RBFOX1: variants seen among roughly 807,000 people sequenced by gnomAD.
The protein encoded by RBFOX1 is RNA binding protein fox-1 homolog 1.
In RBFOX1, 8 loss-of-function variants were observed where a neutral mutation model predicts 57.7. The observed-to-expected ratio is 0.14, with a 90% CI of 0.08 to 0.25. The LOEUF is 0.25. Ranked by LOEUF, RBFOX1 falls within the 10% of genes least tolerant of loss-of-function variation. RBFOX1 has a pLI of 1.00. For synonymous variants in RBFOX1, 326 were observed against 222.4 expected (o/e 1.47, Z -4.15); for missense variants, 611 against 548.5 (o/e 1.11, Z -1.14).
intron 3 of RBFOX1, among the ~76,000 whole-genome samples, chr16:6,657,718 A>T (rs978163433): frequency 6.6e-6 from 1 of 152,150 alleles, no homozygotes; most frequent in African/African-American, 2.4e-5. Context: ...GAGGTGCCAA[A>T]ATAATAAGTA....
At chr16:5,535,899 G>A (rs1448483479) in intron 2 of RBFOX1, among the ~76,000 whole-genome samples, 1 of 152,184 alleles carries the variant, frequency 6.6e-6, no homozygotes, top group South Asian at 2.1e-4. Context: ...CGTACTGTAA[G>A]AGTCACACAC....
chr16:7,021,863 C>G (rs2039229449), intron 3 of RBFOX1, among the ~76,000 whole-genome samples: 1 of 151,196 alleles, frequency 6.6e-6, no homozygotes, highest in Non-Finnish European at 1.5e-5. Flanking sequence ...TTCTAAATTG[C>G]CAGAACCTTC....
At chr16:7,637,769 G>A (rs184500572) in intron 11 of RBFOX1, among the ~76,000 whole-genome samples, 65 of 152,244 alleles carry the variant, frequency 4.3e-4, no homozygotes, top group South Asian at 6.2e-4. Context: ...TATGGAGGGG[G>A]TGCTTAACAA....
intron 3 of RBFOX1, among the ~76,000 whole-genome samples, chr16:5,630,433 G>A (rs2048470844): frequency 6.6e-6 from 1 of 152,004 alleles, no homozygotes; most frequent in Non-Finnish European, 1.5e-5. Context: ...CTCCAGCCTG[G>A]GTGACAGAGT....
At chr16:5,317,777 A>G (rs1379257974) in intron 1 of RBFOX1, among the ~76,000 whole-genome samples, 4 of 152,228 alleles carry the variant, frequency 2.6e-5, no homozygotes, top group Non-Finnish European at 4.4e-5. Flanking sequence ...TTAAGTATAT[A>G]TAACATAATA....
At chr16:7,332,589 C>G (rs1388755350) in intron 4 of RBFOX1, among the ~76,000 whole-genome samples, 1 of 152,110 alleles carries the variant, frequency 6.6e-6, no homozygotes, top group Non-Finnish European at 1.5e-5. Flanking sequence ...CCATCCCTTG[C>G]TCTTTTGGCC....
intron 2 of RBFOX1, among the ~76,000 whole-genome samples, chr16:6,450,780 T>TAC (rs2094580527): frequency 2.2e-4 from 11 of 49,350 alleles, no homozygotes; most frequent in African/African-American, 3.4e-4. Flanking sequence ...TATATATATA[T>TAC]ATATATATAC....
chr16:5,571,443 G>A (rs1596314082), intron 2 of RBFOX1, among the ~76,000 whole-genome samples: 2 of 152,024 alleles, frequency 1.3e-5, no homozygotes, highest in East Asian at 1.9e-4. Context: ...TCAAACTCCT[G>A]ACCTCAAGTG....
chr16:6,743,465 T>C (rs1173689370), intron 3 of RBFOX1, among the ~76,000 whole-genome samples: 3 of 152,080 alleles, frequency 2.0e-5, no homozygotes, highest in African/African-American at 7.2e-5. Context: ...TTGATAAGGA[T>C]GAATGGTAGT....
chr16:6,935,631 C>A (rs2077236961), intron 3 of RBFOX1, among the ~76,000 whole-genome samples: 1 of 152,172 alleles, frequency 6.6e-6, no homozygotes, highest in African/African-American at 2.4e-5. Flanking sequence ...CACACGCTCC[C>A]CTACATACTT....
intron 4 of RBFOX1, among the ~76,000 whole-genome samples, chr16:7,267,746 C>T (rs534116323): frequency 6.6e-6 from 1 of 152,074 alleles, no homozygotes. Context: ...GTCCCAGCTA[C>T]TTGGGAGGCT....
chr16:6,226,856 T>A (rs567032069), intron 1 of RBFOX1, among the ~76,000 whole-genome samples: 1 of 151,018 alleles, frequency 6.6e-6, no homozygotes, highest in South Asian at 2.1e-4. Flanking sequence ...ACACCTGTAA[T>A]CTCAGCAGTT....
At chr16:6,357,186 C>G (rs2087496048) in intron 2 of RBFOX1, among the ~76,000 whole-genome samples, 1 of 152,104 alleles carries the variant, frequency 6.6e-6, no homozygotes, top group East Asian at 1.9e-4. Context: ...TATCTGGCTG[C>G]TTTGCACGCT....
chr16:7,044,175 G>T (rs558030273), intron 3 of RBFOX1, among the ~76,000 whole-genome samples: 2 of 152,116 alleles, frequency 1.3e-5, no homozygotes, highest in Non-Finnish European at 2.9e-5. Context: ...ATGTATATGT[G>T]CATGTGTGGG....
chr16:7,015,320 A>G (rs1003173809), intron 3 of RBFOX1, among the ~76,000 whole-genome samples: 15 of 152,126 alleles, frequency 9.9e-5, no homozygotes, highest in East Asian at 1.9e-4. Flanking sequence ...CTTCTAGACT[A>G]TGGAGTAGAT....
intron 2 of RBFOX1, among the ~76,000 whole-genome samples, chr16:6,317,587 A>T (rs1164145572): frequency 1.3e-5 from 2 of 152,182 alleles, no homozygotes; most frequent in South Asian, 2.1e-4. Flanking sequence ...GGGGTACATT[A>T]TAGAAATTTC....
chr16:7,314,061 G>C (rs1181118021), intron 4 of RBFOX1, among the ~76,000 whole-genome samples: 1 of 151,948 alleles, frequency 6.6e-6, no homozygotes, highest in Non-Finnish European at 1.5e-5. Flanking sequence ...AAGTCATTAC[G>C]ATTTTGTTTA....
At chr16:6,154,563 A>G (rs2096825569) in intron 1 of RBFOX1, among the ~76,000 whole-genome samples, 1 of 152,304 alleles carries the variant, frequency 6.6e-6, no homozygotes, top group East Asian at 1.9e-4. Context: ...GAGGATGACA[A>G]GATGGTCTAA....
At chr16:6,976,077 A>T (rs1162968813) in intron 3 of RBFOX1, among the ~76,000 whole-genome samples, 1 of 152,196 alleles carries the variant, frequency 6.6e-6, no homozygotes, top group East Asian at 1.9e-4. Flanking sequence ...CAATGAGCCA[A>T]GATCGTCCCA....
Sources: allele counts gnomAD v4.1 joint callset (sites outside exome capture counted in the v4.1 genomes callset), GRCh38; gene constraint gnomAD v4.1.1; transcripts MANE v1.5; gene names NCBI Gene and HGNC (gene_info 2026-07-23, HGNC 2026-07-21).